UGT1A1: variants seen among roughly 807,000 people sequenced by gnomAD.
The protein encoded by UGT1A1 is UDP glucuronosyltransferase family 1 member A1.
A neutral mutation model predicts 40.6 loss-of-function variants in UGT1A1; 33 were observed. The ratio of observed to expected loss-of-function variants is 0.81; its 90% confidence interval spans 0.62 to 1.09. The LOEUF (loss-of-function observed/expected upper bound fraction) is 1.09, where lower values mean the gene tolerates loss of function less well. Among genes scored for constraint, UGT1A1 ranks in the 50% least tolerant of loss-of-function variants. The pLI is 0.00. For synonymous variants in UGT1A1, 249 were observed against 265.0 expected, an observed-to-expected ratio of 0.94 and a Z score of 0.59; for missense variants, 694 against 671.2, an observed-to-expected ratio of 1.03 and a Z score of -0.38.
At position 233,772,473 on chromosome 2, in the gene UGT1A1, A is replaced by G. The variant is rs1575871447; in HGVS notation, c.1516A>G (p.Thr506Ala). ...CGTCGTGCTGACAGTGGCCTTCATC[A>G]CCTTTAAATGTTGTGCTTATGGCTA... ...LAVVLTVAFITFKCCAYGYRK... is the reference protein window; with the variant it reads ...LAVVLTVAFIAFKCCAYGYRK... The change falls in exon 5 of 5, where the codon ACC (threonine) becomes GCC (alanine). Residue 506 changes from threonine to alanine, a missense_variant. Coordinates refer to ENST00000305208, the MANE Select transcript of UGT1A1 (RefSeq NM_000463.3). 1.2e-6 allele frequency: 2 copies of G among 1,614,044 alleles called. No homozygotes were observed. The highest frequency in any genetic ancestry group is 1.7e-6 in the Non-Finnish European group (2 of 1,180,014).
intron 1 of UGT1A1, among the ~76,000 whole-genome samples, chr2:233,765,679 C>T (rs750579921): frequency 2.7e-5 from 4 of 150,004 alleles, no homozygotes; most frequent in Non-Finnish European, 4.4e-5. Flanking sequence ...CATATGTATC[C>T]CAGAACTTCA....
In UGT1A1 at chr2:233,769,517, G is replaced by T; in HGVS notation, c.1304+1078G>T. 6.2e-7 allele frequency: 1 copy of T among 1,612,844 alleles called. No homozygotes were observed. The highest frequency in any genetic ancestry group is 8.5e-7 in the Non-Finnish European group (1 of 1,179,874). On this transcript the variant is annotated intron_variant, in intron 4 of 4. Transcript: ENST00000305208. The surrounding 1 kb of genome is among the most constrained non-coding windows in gnomAD (Gnocchi z 4.4). ...AGAGTGTCCATTGCTTTCTCCCATGGTTACCTCCTTTAGAAAGAAGCAGCA... is the reference window on the plus strand; with the variant it reads ...AGAGTGTCCATTGCTTTCTCCCATGTTTACCTCCTTTAGAAAGAAGCAGCA...
At chr2:233,766,566 G>A (rs930471985) in intron 1 of UGT1A1, among the ~76,000 whole-genome samples, 1 of 152,162 alleles carries the variant, frequency 6.6e-6, no homozygotes, top group Non-Finnish European at 1.5e-5. Context: ...AGGTCCATGG[G>A]CACAGGTCTG....
intron 1 of UGT1A1, among the ~76,000 whole-genome samples, chr2:233,766,212 G>A (rs1479826907): frequency 6.6e-6 from 1 of 152,186 alleles, no homozygotes; most frequent in Non-Finnish European, 1.5e-5. Context: ...GGGGAAGCCA[G>A]AAGGGGATGG....
chr2:233,768,423 G>A lies in UGT1A1; in HGVS notation c.1288G>A (p.Val430Ile). The A allele has an allele frequency of 6.2e-7, 1 of 1,614,098 alleles. No homozygotes were observed. The highest frequency in any genetic ancestry group is 8.5e-7 in the Non-Finnish European group (1 of 1,180,004). The change falls in exon 4 of 5, where the codon GTC (valine) becomes ATC (isoleucine). Residue 430 changes from valine to isoleucine, a missense_variant. Coordinates refer to ENST00000305208, the MANE Select transcript of UGT1A1 (RefSeq NM_000463.3). ...AGATTTAGAAAATGCTCTAAAAGCA[G>A]TCATCAATGACAAAAGGTAAGAAAG... ...SEDLENALKAVINDKSYKENI... is the reference protein window; with the variant it reads ...SEDLENALKAIINDKSYKENI...
chr2:233,761,977 C>T (rs1011491640), intron 1 of UGT1A1, among the ~76,000 whole-genome samples: 8 of 152,204 alleles, frequency 5.3e-5, no homozygotes, highest in African/African-American at 1.9e-4. Context: ...ATATCACCTT[C>T]GGAGGTGACC....
intron 4 of UGT1A1, among the ~76,000 whole-genome samples, chr2:233,771,796 C>G (rs373628815): frequency 4.6e-5 from 7 of 151,828 alleles, no homozygotes; most frequent in African/African-American, 1.7e-4. Flanking sequence ...CCCTCCCTCC[C>G]TCCCTCCCTT....
In UGT1A1 at chr2:233,760,706, T is replaced by G. The variant is rs1396464237; in HGVS notation, c.419T>G (p.Leu140Arg). ...LLHNKELMAS[L>R]AESSFDVMLT... is the part of the protein sequence containing the mutation. ...CACAACAAGGAGCTCATGGCCTCCC[T>G]GGCAGAAAGCAGCTTTGATGTCATG... The change falls in exon 1 of 5, where the codon CTG becomes CGG. Residue 140 changes from leucine to arginine, a missense_variant. Physicochemically the swap from Leu to Arg is moderately radical, Grantham distance 102 (BLOSUM62 -2). Transcript: ENST00000305208. 2.5e-6 allele frequency: 4 copies of G among 1,614,118 alleles called. No individual in the cohort carries two copies. The highest frequency in any genetic ancestry group is 1.3e-5 in the African/African-American group (1 of 74,936).
chr2:233,772,282 G>T lies in UGT1A1; in HGVS notation c.1325G>T (p.Arg442Leu), dbSNP rs748166510. 6.2e-7 allele frequency: 1 copy of T among 1,614,194 alleles called. No homozygotes were observed. Among genetic ancestry groups the T allele is most frequent in the Non-Finnish European group, 8.5e-7 (1 of 1,180,040 alleles). The change falls in exon 5 of 5, where the codon CGC becomes CTC. Residue 442 changes from arginine (R) to leucine (L), a missense_variant. By Grantham distance (102) the Arg-to-Leu change is moderately radical. Transcript: ENST00000305208. ...TTTAGTTACAAGGAGAACATCATGC[G>T]CCTCTCCAGCCTTCACAAGGACCGC... ...NDKSYKENIM[R>L]LSSLHKDRPV...
chr2:233,767,623 T>C (rs188657722), intron 2 of UGT1A1, among the ~76,000 whole-genome samples: 5 of 152,322 alleles, frequency 3.3e-5, no homozygotes, highest in African/African-American at 1.2e-4. Flanking sequence ...GTGCACAGCT[T>C]GATAAATTAT....
At position 233,772,492 on chromosome 2, in the gene UGT1A1, A is replaced by G; in HGVS notation, c.1535A>G (p.Tyr512Cys). Reference sequence around the variant, plus strand: ...TTCATCACCTTTAAATGTTGTGCTTATGGCTACCGGAAATGCTTGGGGAAA... The same window carrying G: ...TTCATCACCTTTAAATGTTGTGCTTGTGGCTACCGGAAATGCTTGGGGAAA... ...VAFITFKCCA[Y>C]GYRKCLGKKG... Residue 512 changes from tyrosine (Y) to cysteine (C), a missense_variant, in exon 5 of 5, where the codon TAT (tyrosine) becomes TGT (cysteine). Coordinates refer to ENST00000305208, the MANE Select transcript of UGT1A1 (RefSeq NM_000463.3). 6.2e-7 allele frequency: 1 copy of G among 1,614,134 alleles called. No individual in the cohort carries two copies. The highest frequency in any genetic ancestry group is 1.1e-5 in the South Asian group (1 of 91,080).
In UGT1A1 at chr2:233,764,214, G is replaced by A. The variant is rs17864706; in HGVS notation, c.865-2820G>A. On this transcript the variant is annotated intron_variant, in intron 1 of 4. Transcript: ENST00000305208. ...GGGGCATCTCATCTTTTCTTTGAAG[G>A]GAATCAATGGTGGGGGATTGGAGTG... 2.6e-3 allele frequency among the ~76,000 whole-genome samples: 394 copies of A among 152,268 alleles called. 1 individual carries two copies. Among genetic ancestry groups the A allele is most frequent in the Non-Finnish European group, 3.9e-3 (266 of 68,024 alleles).
In UGT1A1 at chr2:233,772,667, T is replaced by A; in HGVS notation, c.*108T>A. 1 of 1,538,078 alleles carries A rather than the reference T, an allele frequency of 6.5e-7. No individual in the cohort carries two copies. Among genetic ancestry groups the A allele is most frequent in the East Asian group, 2.4e-5 (1 of 40,984 alleles). Reference sequence around the variant, plus strand: ...TTTTATTCTTATTAAGGAAATACTTTGCATAAATTAATCAGCCCCAGAGTG... The same window carrying A: ...TTTTATTCTTATTAAGGAAATACTTAGCATAAATTAATCAGCCCCAGAGTG... On this transcript the variant is annotated 3_prime_UTR_variant, in exon 5 of 5. Coordinates refer to ENST00000305208, the MANE Select transcript of UGT1A1 (RefSeq NM_000463.3).
At chr2:233,763,486 T>C (rs771875689) in intron 1 of UGT1A1, among the ~76,000 whole-genome samples, 1 of 152,218 alleles carries the variant, frequency 6.6e-6, no homozygotes, top group Non-Finnish European at 1.5e-5. Flanking sequence ...TGATTGTAAC[T>C]CTCTCAGTTT....
intron 1 of UGT1A1, among the ~76,000 whole-genome samples, chr2:233,764,866 A>AAAAGGGAGG (rs45477695): frequency 0.13 from 19,804 of 152,100 alleles, 1,413 homozygotes; most frequent in East Asian, 0.2. Context: ...CTTTTAGATG[A>AAAAGGGAGG]GCCCAAGGGA....
Position 233,765,767 on chromosome 2 carries a change from G to A in UGT1A1, c.865-1267G>A, listed in dbSNP as rs142459833. Among the ~76,000 whole-genome samples, 585 of 151,822 alleles carry A rather than the reference G, an allele frequency of 3.9e-3. 2 individuals are homozygous for A. The highest frequency in any genetic ancestry group is 0.014 in the African/African-American group (559 of 41,374). On this transcript the variant is annotated intron_variant, in intron 1 of 4. Coordinates refer to ENST00000305208, the MANE Select transcript of UGT1A1 (RefSeq NM_000463.3). ...TAAAGCCATTTGAGAGATTCTTGGG[G>A]GATTCATTGGACCACTGAAAATCTA...
At position 233,761,145 on chromosome 2, in the gene UGT1A1, A is replaced by T; in HGVS notation, c.858A>T (p.Leu286=). 4 of 1,614,244 alleles carry T rather than the reference A, an allele frequency of 2.5e-6. No homozygotes were observed. Among genetic ancestry groups the T allele is most frequent in the Non-Finnish European group, 3.4e-6 (4 of 1,180,044 alleles). Residue 286 remains leucine (L), a synonymous_variant, in exon 1 of 5, where the codon CTA becomes CTT. Transcript: ENST00000305208. ...GGINCLHQNP[L]SQEFEAYINA... ...TCAACTGCCTTCACCAAAATCCACT[A>T]TCCCAGGTGTGTATTGGAGTGGGAC...
intron 4 of UGT1A1, among the ~76,000 whole-genome samples, chr2:233,768,835 C>T (rs968956061): frequency 7.9e-5 from 12 of 152,116 alleles, no homozygotes; most frequent in African/African-American, 2.6e-4. Flanking sequence ...CCACCTGCCT[C>T]GGCCTGCCAA....
intron 4 of UGT1A1, among the ~76,000 whole-genome samples, chr2:233,768,674 C>T (rs1339439419): frequency 6.7e-6 from 1 of 148,950 alleles, no homozygotes; most frequent in Non-Finnish European, 1.5e-5. Context: ...GCAACCTCCA[C>T]CTCCCACGTT....
Sources: gnomAD v4.1 joint callset for allele counts (sites outside exome capture counted in the v4.1 genomes callset) on GRCh38, gnomAD v4.1.1 for gene constraint, Gnocchi (gnomAD v3.1) non-coding constraint, MANE v1.5 for transcripts, NCBI Gene and HGNC (gene_info 2026-07-23, HGNC 2026-07-21) for gene names.